PLXDC2: variants seen among roughly 807,000 people sequenced by gnomAD.
PLXDC2 encodes plexin domain containing 2, also known as plexin domain-containing protein 2.
A neutral mutation model predicts 68.9 loss-of-function variants in PLXDC2; 40 were observed. That is an observed-to-expected ratio of 0.58 (90% CI 0.45 to 0.76). The LOEUF is 0.76. Ranked by LOEUF, PLXDC2 falls within the 30% of genes least tolerant of loss-of-function variation. The pLI, the probability that PLXDC2 is intolerant of heterozygous loss-of-function variation, is 0.00. For missense variants in PLXDC2, 644 were observed against 661.9 expected, an observed-to-expected ratio of 0.97 and a Z score of 0.30; for synonymous variants, 243 against 234.2, an observed-to-expected ratio of 1.04 and a Z score of -0.34.
intron 2 of PLXDC2, among the ~76,000 whole-genome samples, chr10:20,023,718 G>A (rs569394619): frequency 6.6e-6 from 1 of 152,018 alleles, no homozygotes; most frequent in East Asian, 1.9e-4. Flanking sequence ...AACAGACTAA[G>A]ACAGTCTGCA....
intron 12 of PLXDC2, among the ~76,000 whole-genome samples, chr10:20,220,259 T>G (rs1223415813): frequency 6.6e-6 from 1 of 152,128 alleles, no homozygotes; most frequent in Non-Finnish European, 1.5e-5. Context: ...TAAAGGGACT[T>G]TAGCAATCCT....
intron 1 of PLXDC2, among the ~76,000 whole-genome samples, chr10:19,842,832 G>A (rs1376186144): frequency 6.6e-6 from 1 of 152,022 alleles, no homozygotes; most frequent in East Asian, 1.9e-4. Context: ...CATAAATGGA[G>A]CTTTCTTTTT....
Position 20,276,370 on chromosome 10 carries a change from G to A in PLXDC2, c.1474-3333G>A, listed in dbSNP as rs144115495. Among the ~76,000 whole-genome samples the A allele has an allele frequency of 1.1e-4, 16 of 152,228 alleles. No homozygotes were observed. The South Asian group carries it at 1.9e-3, about 18-fold the overall frequency. On this transcript the variant is annotated intron_variant, in intron 13 of 13. Coordinates refer to ENST00000377252, the MANE Select transcript of PLXDC2 (RefSeq NM_032812.9). ...GGATATTTTAGCTAATTGTCTTGTC[G>A]CAGACCTTTGAGTCAGACCTGGATG... is the stretch of plus-strand genomic sequence containing the variant.
chr10:19,842,983 A>G (rs562890313), intron 1 of PLXDC2, among the ~76,000 whole-genome samples: 1 of 152,306 alleles, frequency 6.6e-6, no homozygotes, highest in Admixed American at 6.5e-5. Context: ...TTTTCCCCAC[A>G]TAGCTTCAAT....
At chr10:19,932,745 G>A (rs561200783) in intron 1 of PLXDC2, among the ~76,000 whole-genome samples, 1 of 140,202 alleles carries the variant, frequency 7.1e-6, no homozygotes, top group East Asian at 2.0e-4. Flanking sequence ...GAATGTTATG[G>A]GAATTAAAAA....
intron 9 of PLXDC2, among the ~76,000 whole-genome samples, chr10:20,198,021 T>C (rs1834864737): frequency 6.6e-6 from 1 of 152,176 alleles, no homozygotes; most frequent in Non-Finnish European, 1.5e-5. Flanking sequence ...TAAACTTCTG[T>C]TAGATAATAA....
intron 6 of PLXDC2, among the ~76,000 whole-genome samples, chr10:20,149,689 G>T (rs567477504): frequency 6.6e-6 from 1 of 152,158 alleles, no homozygotes; most frequent in South Asian, 2.1e-4. Flanking sequence ...TTCCATTCCT[G>T]CATTAGTTTG....
At chr10:19,956,485 C>CTTGG (rs1834071432) in intron 1 of PLXDC2, among the ~76,000 whole-genome samples, 1 of 152,148 alleles carries the variant, frequency 6.6e-6, no homozygotes, top group Non-Finnish European at 1.5e-5. Context: ...TATTGTACAG[C>CTTGG]TCTGGAATCT....
At chr10:20,032,751 C>T (rs1835520100) in intron 2 of PLXDC2, among the ~76,000 whole-genome samples, 2 of 151,746 alleles carry the variant, frequency 1.3e-5, no homozygotes, top group South Asian at 2.1e-4. Context: ...CTCCATATGT[C>T]TCAGCTTCAG....
At chr10:19,950,911 C>G (rs1325173152) in intron 1 of PLXDC2, among the ~76,000 whole-genome samples, 1 of 151,926 alleles carries the variant, frequency 6.6e-6, no homozygotes, top group Non-Finnish European at 1.5e-5. Context: ...AAGGACTGTT[C>G]AATAAATGGT....
intron 4 of PLXDC2, among the ~76,000 whole-genome samples, chr10:20,075,420 C>G (rs1836422194): frequency 1.3e-5 from 2 of 152,098 alleles, no homozygotes; most frequent in Non-Finnish European, 2.9e-5. Context: ...AAACTCCTAG[C>G]CTCTAGCAAT....
At chr10:20,260,137 A>G (rs949455641) in intron 13 of PLXDC2, among the ~76,000 whole-genome samples, 1 of 152,168 alleles carries the variant, frequency 6.6e-6, no homozygotes, top group African/African-American at 2.4e-5. Flanking sequence ...TAGTGAAGTG[A>G]TTGCTATAGT....
chr10:20,224,063 C>A (rs1301127764), intron 12 of PLXDC2, among the ~76,000 whole-genome samples: 1 of 150,962 alleles, frequency 6.6e-6, no homozygotes, highest in Non-Finnish European at 1.5e-5. Flanking sequence ...CAACCTCCAC[C>A]TTTTGGTTCA....
At chr10:20,278,868 A>G (rs1836043963) in intron 13 of PLXDC2, among the ~76,000 whole-genome samples, 1 of 152,202 alleles carries the variant, frequency 6.6e-6, no homozygotes, top group Admixed American at 6.5e-5. Context: ...AATAGTTTCT[A>G]GTGTCACTAT....
At chr10:20,229,019 A>G (rs1209497193) in intron 12 of PLXDC2, among the ~76,000 whole-genome samples, 1 of 152,174 alleles carries the variant, frequency 6.6e-6, no homozygotes, top group Non-Finnish European at 1.5e-5. Flanking sequence ...CCACAAGGAC[A>G]GACTGCTTTT....
intron 1 of PLXDC2, among the ~76,000 whole-genome samples, chr10:19,979,195 T>C (rs1478355386): frequency 1.3e-5 from 2 of 152,034 alleles, no homozygotes; most frequent in African/African-American, 2.4e-5. Flanking sequence ...AATGCTCCCA[T>C]AGAAAAAAGG....
At position 19,907,996 on chromosome 10, in the gene PLXDC2, G is replaced by T. The variant is rs571238437; in HGVS notation, c.112+90805G>T. Reference sequence around the variant, plus strand: ...AAATCTTTCATTATAAGATTTAATCGCTGTGTTACAAAAGAGTAATTTCTG... The same window carrying T: ...AAATCTTTCATTATAAGATTTAATCTCTGTGTTACAAAAGAGTAATTTCTG... On this transcript the variant is annotated intron_variant, in intron 1 of 13. Coordinates refer to ENST00000377252, the MANE Select transcript of PLXDC2 (RefSeq NM_032812.9). Among the ~76,000 whole-genome samples the T allele has an allele frequency of 5.4e-3, 817 of 152,152 alleles. 1 individual carries two copies. The highest frequency in any genetic ancestry group is 0.018 in the African/African-American group (736 of 41,498).
chr10:20,261,729 C>T (rs1190138187), intron 13 of PLXDC2, among the ~76,000 whole-genome samples: 2 of 151,982 alleles, frequency 1.3e-5, no homozygotes, highest in Admixed American at 6.6e-5. Context: ...TAGCGCATGC[C>T]TGTAATCCCA....
chr10:19,976,450 T>A (rs534534652), intron 1 of PLXDC2, among the ~76,000 whole-genome samples: 26 of 152,286 alleles, frequency 1.7e-4, no homozygotes, highest in African/African-American at 6.3e-4. Context: ...CCTGACCGCG[T>A]GATCCACCCT....
Sources: gnomAD v4.1 joint callset for allele counts (sites outside exome capture counted in the v4.1 genomes callset) on GRCh38, gnomAD v4.1.1 for gene constraint, MANE v1.5 for transcripts, NCBI Gene and HGNC (gene_info 2026-07-23, HGNC 2026-07-21) for gene names.